The following FER1L6 variants were observed in gnomAD, a reference collection of about 807,000 sequenced individuals.
FER1L6 encodes fer-1-like protein 6.
A neutral mutation model predicts 219.2 loss-of-function variants in FER1L6; 177 were observed. The observed-to-expected ratio is 0.81, with a 90% CI of 0.71 to 0.91. The LOEUF (loss-of-function observed/expected upper bound fraction) is 0.91, where lower values mean the gene tolerates loss of function less well. Among genes scored for constraint, FER1L6 ranks in the 40% least tolerant of loss-of-function variants. FER1L6 has a pLI of 0.00. For missense variants in FER1L6, 2,153 were observed against 2,259.9 expected, an observed-to-expected ratio of 0.95 and a Z score of 0.96; for synonymous variants, 768 against 824.3, an observed-to-expected ratio of 0.93 and a Z score of 1.17.
At chr8:123,977,973 G>A (rs1478055512) in intron 10 of FER1L6, among the ~76,000 whole-genome samples, 2 of 152,180 alleles carry the variant, frequency 1.3e-5, no homozygotes, top group African/African-American at 4.8e-5. Context: ...TTCCTAACAG[G>A]ATGGGTACTG....
chr8:124,079,569 A>C (rs1369261515), intron 32 of FER1L6, among the ~76,000 whole-genome samples: 1 of 152,198 alleles, frequency 6.6e-6, no homozygotes, highest in Non-Finnish European at 1.5e-5. Context: ...AGTAGATTGC[A>C]AATGTTTTTT....
At position 124,044,425 on chromosome 8, in the gene FER1L6, T is replaced by A. The variant is rs558544266; in HGVS notation, c.2590-1342T>A. On this transcript the variant is annotated intron_variant, in intron 20 of 40. Coordinates refer to ENST00000522917, the MANE Select transcript of FER1L6 (RefSeq NM_001039112.2). ...ATGCACAATATTTTTATGACCCACA[T>A]AAAGAAGAGCAATAAAAATATTCCT... is the stretch of plus-strand genomic sequence containing the variant. Among the ~76,000 whole-genome samples, 8 of 152,308 alleles carry A rather than the reference T, an allele frequency of 5.3e-5. No individual in the cohort carries two copies. The East Asian group carries it at 1.5e-3, about 29-fold the overall frequency.
At chr8:123,959,051 T>C (rs1815153159) in intron 2 of FER1L6, among the ~76,000 whole-genome samples, 1 of 152,050 alleles carries the variant, frequency 6.6e-6, no homozygotes, top group Admixed American at 6.5e-5. Context: ...CTAAGTGCAA[T>C]GGAAAGCCAT....
At chr8:124,056,044 A>G (rs917799379) in intron 22 of FER1L6, among the ~76,000 whole-genome samples, 2 of 152,126 alleles carry the variant, frequency 1.3e-5, no homozygotes, top group Non-Finnish European at 2.9e-5. Flanking sequence ...CTGCTGCCTC[A>G]TAAGGACCCT....
In FER1L6 at chr8:124,034,658, G is replaced by A. The variant is rs564687026; in HGVS notation, c.2287-619G>A. 9.2e-5 allele frequency among the ~76,000 whole-genome samples: 14 copies of A among 152,340 alleles called. No homozygotes were observed. The East Asian group carries it at 2.7e-3, about 29-fold the overall frequency. On this transcript the variant is annotated intron_variant, in intron 18 of 40. Transcript: ENST00000522917. ...CACACTGCATGAGGAAGCGGTGAAG[G>A]TGTTTAGCCAGGAGGAAAGTGCATG...
At chr8:123,950,703 A>C (rs1814722477) in intron 1 of FER1L6, among the ~76,000 whole-genome samples, 1 of 152,190 alleles carries the variant, frequency 6.6e-6, no homozygotes, top group Non-Finnish European at 1.5e-5. Context: ...AGGGGACTAT[A>C]ATGTACAAAA....
intron 20 of FER1L6, among the ~76,000 whole-genome samples, chr8:124,043,601 G>C (rs966491918): frequency 2.0e-5 from 3 of 152,306 alleles, no homozygotes; most frequent in Admixed American, 1.3e-4. Flanking sequence ...GAGGCACAAA[G>C]AGAGGTTTGT....
At chr8:123,943,218 C>T (rs1041606586) in intron 1 of FER1L6, among the ~76,000 whole-genome samples, 4 of 152,186 alleles carry the variant, frequency 2.6e-5, no homozygotes, top group South Asian at 2.1e-4. Flanking sequence ...ACAGTAAAAA[C>T]ATGAGCAGGG....
Position 123,973,425 on chromosome 8 carries a change from TCTC to T in FER1L6, c.448-5_448-3del, listed in dbSNP as rs938649237. The T allele has an allele frequency of 5.0e-6, 8 of 1,610,746 alleles. No homozygotes were observed. Among genetic ancestry groups the T allele is most frequent in the Non-Finnish European group, 6.8e-6 (8 of 1,177,014 alleles). On this transcript the variant is annotated splice_region_variant and splice_polypyrimidine_tract_variant and intron_variant, in intron 6 of 40. Coordinates refer to ENST00000522917, the MANE Select transcript of FER1L6 (RefSeq NM_001039112.2). ...AATCTGCCATACTCCCTGCTCTCTCTCTCCTCAGGTCTTTCACCACAAGCTGAT... is the reference window on the plus strand; with the variant it reads ...AATCTGCCATACTCCCTGCTCTCTCTCTCAGGTCTTTCACCACAAGCTGAT...
At chr8:124,063,919 A>G (rs893403743) in intron 25 of FER1L6, among the ~76,000 whole-genome samples, 1 of 152,124 alleles carries the variant, frequency 6.6e-6, no homozygotes, top group Non-Finnish European at 1.5e-5. Context: ...TGCCAAGCAC[A>G]TGTACTTTTG....
At chr8:123,895,143 C>T (rs754967372) in intron 1 of FER1L6, among the ~76,000 whole-genome samples, 2 of 152,142 alleles carry the variant, frequency 1.3e-5, no homozygotes, top group Non-Finnish European at 2.9e-5. Flanking sequence ...AGATGCATGA[C>T]CTGTATCAAG....
chr8:124,003,090 T>A, intron 12 of FER1L6, 77 bp from the exon 13 acceptor site: 1 of 1,269,444 alleles, frequency 7.9e-7, no homozygotes. Flanking sequence ...AGAACATGAG[T>A]TTGGATCCTT....
intron 17 of FER1L6, among the ~76,000 whole-genome samples, chr8:124,022,731 ACT>A (rs1330244112): frequency 1.3e-5 from 2 of 152,154 alleles, no homozygotes. Flanking sequence ...ATGTTATCTG[ACT>A]CTGAGCAGTG....
chr8:123,934,499 C>T (rs1813906380), intron 1 of FER1L6, among the ~76,000 whole-genome samples: 1 of 151,406 alleles, frequency 6.6e-6, no homozygotes, highest in African/African-American at 2.4e-5. Context: ...TTTATATTTG[C>T]TTGATTATTC....
chr8:124,111,873 G>A lies in FER1L6; in HGVS notation c.5290-6971G>A, dbSNP rs970107189. On this transcript the variant is annotated intron_variant, in intron 39 of 40. Transcript: ENST00000522917. This position sits in a 1 kb window ranked among gnomAD's most constrained non-coding sequence, Gnocchi z 5.0. ...TACTGTGACTTAGAATGCCTTAACC[G>A]TCGGGAATGCAGCCCAGTAGGTCTC... Among the ~76,000 whole-genome samples the A allele has an allele frequency of 2.6e-5, 4 of 152,030 alleles. No homozygotes were observed. Among genetic ancestry groups the A allele is most frequent in the Non-Finnish European group, 4.4e-5 (3 of 68,014 alleles).
chr8:124,091,639 C>A, intron 34 of FER1L6, 56 bp downstream of exon 34: 1 of 1,571,410 alleles, frequency 6.4e-7, no homozygotes. Flanking sequence ...AATCCTGATT[C>A]TAGTGATATT....
chr8:123,922,289 G>A (rs979979115), intron 1 of FER1L6, among the ~76,000 whole-genome samples: 4 of 152,234 alleles, frequency 2.6e-5, no homozygotes, highest in East Asian at 3.9e-4. Context: ...GGGGGCAGGG[G>A]CATTTATTCT....
intron 2 of FER1L6, among the ~76,000 whole-genome samples, chr8:123,957,111 T>C (rs1815055812): frequency 6.6e-6 from 1 of 152,230 alleles, no homozygotes; most frequent in South Asian, 2.1e-4. Flanking sequence ...TCTTCACTCC[T>C]CTTGTCTCCT....
rs142910334 is a variant in FER1L6, at chr8:123,978,002, T to C, written c.1063+393T>C. ...GGTACTGGTCCATGGCTCTGGGCGG[T>C]CAGGAGCCCCTGGGTTAGAGCACCT... On this transcript the variant is annotated intron_variant, in intron 10 of 40. Coordinates refer to ENST00000522917, the MANE Select transcript of FER1L6 (RefSeq NM_001039112.2). 4.6e-3 allele frequency among the ~76,000 whole-genome samples: 697 copies of C among 152,174 alleles called. 8 individuals are homozygous for C. Among genetic ancestry groups the C allele is most frequent in the Middle Eastern group, 0.017 (5 of 294 alleles).
Sources: allele counts gnomAD v4.1 joint callset (sites outside exome capture counted in the v4.1 genomes callset), GRCh38; gene constraint gnomAD v4.1.1; non-coding constraint Gnocchi (gnomAD v3.1); transcripts MANE v1.5; gene names NCBI Gene and HGNC (gene_info 2026-07-23, HGNC 2026-07-21).